NUP54: variants seen among roughly 807,000 people sequenced by gnomAD.
NUP54 encodes the protein nucleoporin 54.
A neutral mutation model predicts 66.4 loss-of-function variants in NUP54; 27 were observed. The ratio of observed to expected loss-of-function variants is 0.41; its 90% CI spans 0.30 to 0.56. The LOEUF is 0.56. Among genes scored for constraint, NUP54 ranks in the 20% least tolerant of loss-of-function variants. The pLI is 0.34. For missense variants in NUP54, 486 were observed against 596.3 expected, an observed-to-expected ratio of 0.82 and a Z score of 1.93; for synonymous variants, 206 against 210.7, an observed-to-expected ratio of 0.98 and a Z score of 0.19.
At chr4:76,146,075 T>C in intron 1 of NUP54, 1 of 446,690 alleles carries the variant, frequency 2.2e-6, no homozygotes, top group South Asian at 1.6e-5. Flanking sequence ...ATAGAAACAC[T>C]AGTCAGTTTC....
chr4:76,141,176 T>C (rs1019540114), intron 3 of NUP54, among the ~76,000 whole-genome samples: 7 of 150,792 alleles, frequency 4.6e-5, no homozygotes, highest in Middle Eastern at 3.4e-3. Flanking sequence ...GGCATCTCTA[T>C]ACTGAGATAG....
In NUP54 at chr4:76,144,413, G is replaced by C. The variant is rs1327276171; in HGVS notation, c.128C>G (p.Ala43Gly). ...ACCAGTAGTGCCTGTGTTAGTTGGG[G>C]CAGAAAAGCTGAATGCAGAACCTGC... The part of the protein sequence containing the change: ...TTAGSAFSFS[A>G]PTNTGTTGLF... Residue 43 changes from alanine (A) to glycine (G), a missense_variant, in exon 2 of 12, where the codon GCC becomes GGC. Ala to Gly is a moderately conservative substitution (Grantham distance 60, BLOSUM62 0). This residue lies in a region of NUP54 where 145 missense variants were observed against 137.1 expected (regional missense o/e 1.06). Transcript: ENST00000264883. 44 of 1,609,468 alleles carry C rather than the reference G, an allele frequency of 2.7e-5. No homozygotes were observed. The highest frequency in any genetic ancestry group is 3.4e-5 in the Non-Finnish European group (40 of 1,178,886).
rs1000011117 is a variant in NUP54, at chr4:76,116,993, T to G, written c.1395+671A>C. 3.3e-5 allele frequency among the ~76,000 whole-genome samples: 5 copies of G among 152,180 alleles called. No homozygotes were observed. In the East Asian group the frequency reaches 9.6e-4, roughly 29 times the overall value. On this transcript the variant is annotated intron_variant, in intron 11 of 11. Transcript: ENST00000264883. ...TACAGTTCAGTGGCATTAGGTACAT[T>G]TATGCTGTTGTGCAATAATCAACAC...
At position 76,124,768 on chromosome 4, in the gene NUP54, A is replaced by C. The variant is rs1380772102; in HGVS notation, c.1057-12T>G. The C allele has an allele frequency of 1.2e-6, 1 of 861,436 alleles. No homozygotes were observed. The highest frequency in any genetic ancestry group is 1.4e-5 in the South Asian group (1 of 72,114). 53.4% of individuals were successfully genotyped at this position (861,436 alleles called of 1,614,324 possible). On this transcript the variant is annotated splice_polypyrimidine_tract_variant and intron_variant, in intron 8 of 11. Coordinates refer to ENST00000264883, the MANE Select transcript of NUP54 (RefSeq NM_017426.4). The stretch of plus-strand genomic sequence containing the variant: ...TCTTCAGATATGATCTGTTTAAAAA[A>C]AAATTGGGGGGGGGAGGGTTAATCA...
chr4:76,129,858 C>T (rs1401260248), intron 8 of NUP54, among the ~76,000 whole-genome samples: 2 of 63,022 alleles, frequency 3.2e-5, no homozygotes, highest in Non-Finnish European at 4.8e-5. Flanking sequence ...GAGCGAGAGA[C>T]GTCTCAAAAA....
chr4:76,138,673 G>C (rs1731137947), intron 3 of NUP54, among the ~76,000 whole-genome samples: 1 of 152,190 alleles, frequency 6.6e-6, no homozygotes, highest in Non-Finnish European at 1.5e-5. Flanking sequence ...TGAGAGAGGG[G>C]TCAAGAGAAG....
At position 76,118,059 on chromosome 4, in the gene NUP54, T is replaced by C. The variant is rs774511348; in HGVS notation, c.1284+16A>G. On this transcript the variant is annotated intron_variant, in intron 10 of 11. Coordinates refer to ENST00000264883, the MANE Select transcript of NUP54 (RefSeq NM_017426.4). ...CCTGAAACAAATTTTAGAATTATGG[T>C]CTTAGAAGTGGTTACCTTGAACTGA... 6.8e-6 allele frequency: 11 copies of C among 1,612,498 alleles called. No homozygotes were observed. The highest frequency in any genetic ancestry group is 5.3e-5 in the African/African-American group (4 of 74,812).
chr4:76,129,883 A>C (rs1191085776), intron 8 of NUP54, among the ~76,000 whole-genome samples: 19 of 137,578 alleles, frequency 1.4e-4, no homozygotes, highest in Non-Finnish European at 2.7e-4. Flanking sequence ...AAAAAAAAAA[A>C]AAAAACCTTA....
Position 76,117,782 on chromosome 4 carries a change from T to C in NUP54, c.1285-8A>G. 6.2e-7 allele frequency: 1 copy of C among 1,603,718 alleles called. No homozygotes were observed. The highest frequency in any genetic ancestry group is 8.5e-7 in the Non-Finnish European group (1 of 1,171,058). On this transcript the variant is annotated splice_polypyrimidine_tract_variant and splice_region_variant and intron_variant, in intron 10 of 11. Coordinates refer to ENST00000264883, the MANE Select transcript of NUP54 (RefSeq NM_017426.4). ...CAATTCATTTAGTCGGCCCTAAAAG[T>C]TAAGACTGAGTCAAATTACAACTGC...
chr4:76,119,900 G>T (rs540946821), intron 9 of NUP54, among the ~76,000 whole-genome samples: 2 of 151,608 alleles, frequency 1.3e-5, no homozygotes, highest in Non-Finnish European at 2.9e-5. Flanking sequence ...TTTTAAAAAT[G>T]GATTATATAA....
chr4:76,128,382 T>TA (rs920923116), intron 8 of NUP54, among the ~76,000 whole-genome samples: 1 of 107,156 alleles, frequency 9.3e-6, no homozygotes, highest in Non-Finnish European at 1.9e-5. Context: ...AATAATAGAT[T>TA]AAAAGGAAAT....
chr4:76,129,500 A>T (rs1451120796), intron 8 of NUP54, among the ~76,000 whole-genome samples: 2 of 152,226 alleles, frequency 1.3e-5, no homozygotes, highest in Non-Finnish European at 2.9e-5. Context: ...GATCTCACTG[A>T]CATTAATAGA....
chr4:76,143,583 G>A (rs184155361), intron 3 of NUP54, among the ~76,000 whole-genome samples: 4 of 152,140 alleles, frequency 2.6e-5, no homozygotes, highest in Non-Finnish European at 4.4e-5. Context: ...CAGCCTGGGC[G>A]ACAGAGCAAG....
Position 76,130,702 on chromosome 4 carries a change from A to C in NUP54, c.1010T>G (p.Leu337Arg). Residue 337 changes from leucine to arginine, a missense_variant, in exon 8 of 12, where the codon CTG (leucine) becomes CGG (arginine). This residue lies in a region of NUP54 where 217 missense variants were observed against 247.9 expected (regional missense o/e 0.88). Coordinates refer to ENST00000264883, the MANE Select transcript of NUP54 (RefSeq NM_017426.4). The stretch of plus-strand genomic sequence containing the variant: ...CTTAGTCATCTGATCTTGAACCTTC[A>C]GTCTTCGGAGAAGTTCCTTAAAACC... ...MVGFKELLRR[L>R]KVQDQMTKQH... 6.2e-7 allele frequency: 1 copy of C among 1,613,818 alleles called. No individual in the cohort carries two copies. The highest frequency in any genetic ancestry group is 1.3e-5 in the African/African-American group (1 of 75,050).
intron 1 of NUP54, chr4:76,147,376 T>A (rs1395416568): frequency 1.5e-6 from 1 of 657,182 alleles, no homozygotes. Context: ...AAATTTCCTT[T>A]CCCTATTAGA....
intron 3 of NUP54, among the ~76,000 whole-genome samples, chr4:76,138,749 A>C (rs1294170510): frequency 3.3e-5 from 5 of 152,196 alleles, no homozygotes; most frequent in African/African-American, 1.2e-4. Flanking sequence ...GGGTAGAGGT[A>C]AAGGCCAACA....
chr4:76,145,267 A>G (rs756386136), intron 1 of NUP54, among the ~76,000 whole-genome samples: 1 of 150,362 alleles, frequency 6.7e-6, no homozygotes, highest in Non-Finnish European at 1.5e-5. Flanking sequence ...GCAGTGAGCC[A>G]AGATCTTGCC....
At chr4:76,119,335 AAAACT>A (rs1730122306) in intron 9 of NUP54, among the ~76,000 whole-genome samples, 1 of 152,094 alleles carries the variant, frequency 6.6e-6, no homozygotes, top group African/African-American at 2.4e-5. Flanking sequence ...GATCCAAAAT[AAAACT>A]AAACTGTATA....
chr4:76,117,841 T>C (rs1292678326), intron 10 of NUP54, 67 bp from the exon 11 acceptor site: 22 of 1,333,960 alleles, frequency 1.6e-5, no homozygotes, highest in Non-Finnish European at 2.3e-5. Flanking sequence ...TGTTTTCTTC[T>C]GAAAGGATGG....
Sources: allele counts gnomAD v4.1 joint callset (sites outside exome capture counted in the v4.1 genomes callset), GRCh38; gene constraint gnomAD v4.1.1; regional missense constraint gnomAD v4.1.1; transcripts MANE v1.5; gene names NCBI Gene and HGNC (gene_info 2026-07-23, HGNC 2026-07-21).